Variants in ZNF536 observed in about 807,000 individuals in gnomAD.
ZNF536 encodes the protein zinc finger protein 536.
A neutral mutation model predicts 84.5 loss-of-function variants in ZNF536; 13 were observed. The observed-to-expected ratio is 0.15, with a 90% CI of 0.10 to 0.24. The LOEUF is 0.24. Ranked by LOEUF, ZNF536 falls within the 10% of genes least tolerant of loss-of-function variation. The probability of loss-of-function intolerance (pLI) is 1.00; values close to 1 mark genes in which losing one functional copy is unlikely to be tolerated. For synonymous variants in ZNF536, 811 were observed against 742.5 expected (o/e 1.09, Z -1.50); for missense variants, 1,536 against 1,747.5 (o/e 0.88, Z 2.16).
upstream of ZNF536, among the ~76,000 whole-genome samples, chr19:30,227,217 G>T (rs2144567169): frequency 6.6e-6 from 1 of 152,242 alleles, no homozygotes; most frequent in East Asian, 1.9e-4. Context: ...TTCACTCTGC[G>T]GAGTGAACTC....
intron 2 of ZNF536, among the ~76,000 whole-genome samples, chr19:30,461,747 C>T (rs1427153006): frequency 6.6e-6 from 1 of 152,220 alleles, no homozygotes; most frequent in Non-Finnish European, 1.5e-5. Flanking sequence ...TCCCCAGTCC[C>T]TTCTGACACT....
intron 1 of ZNF536, among the ~76,000 whole-genome samples, chr19:30,588,461 G>C (rs1261303109): frequency 1.3e-5 from 2 of 152,180 alleles, no homozygotes; most frequent in Non-Finnish European, 2.9e-5. Flanking sequence ...AGAAGCAAGA[G>C]GATGGGAGGT....
intron 1 of ZNF536, among the ~76,000 whole-genome samples, chr19:30,648,306 C>T (rs1263325004): frequency 6.6e-6 from 1 of 152,172 alleles, no homozygotes; most frequent in Non-Finnish European, 1.5e-5. Flanking sequence ...CTCAGCTTGA[C>T]CTCATTTCCT....
At chr19:30,329,276 G>A (rs11880486) in intron 2 of ZNF536, among the ~76,000 whole-genome samples, 8,625 of 152,232 alleles carry the variant, frequency 0.057, 615 homozygotes, top group East Asian at 0.33. Flanking sequence ...TTTTTGCTTC[G>A]TAGGAATGCG....
At chr19:30,415,229 C>G (rs1600639586) in intron 1 of ZNF536, among the ~76,000 whole-genome samples, 1 of 81,490 alleles carries the variant, frequency 1.2e-5, no homozygotes, top group African/African-American at 4.9e-5. Context: ...CTCCTCTTCT[C>G]CCTCCCCCTC....
At chr19:30,617,729 G>C (rs775918233) in intron 1 of ZNF536, among the ~76,000 whole-genome samples, 1 of 151,956 alleles carries the variant, frequency 6.6e-6, no homozygotes, top group Non-Finnish European at 1.5e-5. Flanking sequence ...TTTTTAACCA[G>C]AGATTCTGCA....
In ZNF536 at chr19:30,500,068, AT is replaced by A. The variant is rs1231011848; in HGVS notation, c.2171-34773del. Among the ~76,000 whole-genome samples the A allele has an allele frequency of 7.9e-5, 12 of 152,296 alleles. No homozygotes were observed. In the East Asian group the frequency reaches 9.6e-4, roughly 12 times the overall value. ...CCAGCTCTTTTTACCAAAGAGGGTA[AT>A]TTTTTCTAAATAATTTCTTAGATTA... On this transcript the variant is annotated intron_variant, in intron 2 of 4. Coordinates refer to ENST00000355537, the MANE Select transcript of ZNF536 (RefSeq NM_014717.3).
intron 1 of ZNF536, among the ~76,000 whole-genome samples, chr19:30,418,103 A>ATT (rs769463321): frequency 2.1e-5 from 3 of 145,412 alleles, no homozygotes; most frequent in Admixed American, 6.9e-5. Flanking sequence ...ATTGCCAAGC[A>ATT]TTTTTTTTTT....
intron 2 of ZNF536, among the ~76,000 whole-genome samples, chr19:30,322,641 TC>T (rs1461743003): frequency 1.3e-5 from 2 of 152,176 alleles, no homozygotes; most frequent in Non-Finnish European, 2.9e-5. Flanking sequence ...CTATTCCATC[TC>T]ATCAATGCTT....
chr19:30,560,314 C>A (rs886433572), downstream of ZNF536, among the ~76,000 whole-genome samples: 2 of 151,718 alleles, frequency 1.3e-5, no homozygotes, highest in African/African-American at 4.8e-5. Flanking sequence ...GGGAATATAA[C>A]AAGCCCACCT....
chr19:30,556,544 C>T lies in ZNF536; in HGVS notation c.3896-613C>T, dbSNP rs117180087. The T allele has an allele frequency of 7.5e-3, 1,150 of 152,352 alleles. 21 individuals carry two copies. Among genetic ancestry groups the T allele is most frequent in the Middle Eastern group, 0.048 (14 of 294 alleles). The allele number at this position is 152,352 out of a possible 1,614,324, so 9.4% of individuals were successfully genotyped here. A position where few individuals can be genotyped will look rare whatever the true frequency, so the allele number is the denominator to read the frequency against. ...TTAAATTAAATGGGAATGCCACTGA[C>T]GTGATGTCGTTTGCACTGCAGGATG... On this transcript the variant is annotated intron_variant, in intron 4 of 4. Coordinates refer to ENST00000355537, the MANE Select transcript of ZNF536 (RefSeq NM_014717.3).
At chr19:30,278,832 C>G (rs961775836) in intron 1 of ZNF536, among the ~76,000 whole-genome samples, 6 of 152,202 alleles carry the variant, frequency 3.9e-5, no homozygotes, top group African/African-American at 1.4e-4. Context: ...TCCTCTCTGA[C>G]CCCCTCTTGT....
At chr19:30,501,064 C>T (rs779401956) in intron 2 of ZNF536, among the ~76,000 whole-genome samples, 1 of 152,154 alleles carries the variant, frequency 6.6e-6, no homozygotes, top group Non-Finnish European at 1.5e-5. Flanking sequence ...GAGTCTCAAA[C>T]CTACAAAGTG....
intron 2 of ZNF536, among the ~76,000 whole-genome samples, chr19:30,320,723 C>G (rs886874181): frequency 5.9e-5 from 9 of 152,142 alleles, no homozygotes; most frequent in Non-Finnish European, 8.8e-5. Context: ...CCCTCCCCGA[C>G]CTGGATTATC....
chr19:30,469,507 T>C (rs995513710), intron 2 of ZNF536, among the ~76,000 whole-genome samples: 9 of 152,108 alleles, frequency 5.9e-5, no homozygotes, highest in Admixed American at 2.0e-4. Flanking sequence ...AGGAAAAATC[T>C]TCCTCCTCAA....
In ZNF536 at chr19:30,445,513, C is replaced by G. The variant is rs955698744; in HGVS notation, c.1951C>G (p.Arg651Gly). 1 of 1,613,990 alleles carries G rather than the reference C, an allele frequency of 6.2e-7. No individual in the cohort carries two copies. Among genetic ancestry groups the G allele is most frequent in the Non-Finnish European group, 8.5e-7 (1 of 1,180,000 alleles). ...RTYHQVVVHS[R>G]VHKRDRKGEE... Reference sequence around the variant, plus strand: ...TTACCACCAGGTGGTCGTGCACTCCCGTGTCCACAAGCGGGACCGCAAGGG... The same window carrying G: ...TTACCACCAGGTGGTCGTGCACTCCGGTGTCCACAAGCGGGACCGCAAGGG... The change falls in exon 2 of 5, where the codon CGT (arginine) becomes GGT (glycine). Residue 651 changes from arginine to glycine, a missense_variant. Arg to Gly is a moderately radical substitution (Grantham distance 125, BLOSUM62 -2). Around this residue, in one of 8 missense-constraint regions of ZNF536, gnomAD observed 366 missense variants for 364.4 expected, o/e 1.00. Coordinates refer to ENST00000355537, the MANE Select transcript of ZNF536 (RefSeq NM_014717.3). The surrounding 1 kb of genome is among the most constrained non-coding windows in gnomAD (Gnocchi z 4.5).
intron 1 of ZNF536, among the ~76,000 whole-genome samples, chr19:30,273,035 C>G (rs1397749272): frequency 6.6e-6 from 1 of 152,144 alleles, no homozygotes; most frequent in African/African-American, 2.4e-5. Flanking sequence ...GCCTCAGCAT[C>G]TTGACTGCAG....
At chr19:30,629,865 TCA>T (rs1257842669) in intron 1 of ZNF536, among the ~76,000 whole-genome samples, 4 of 152,194 alleles carry the variant, frequency 2.6e-5, no homozygotes, top group African/African-American at 9.7e-5. Context: ...GCACAGCAGC[TCA>T]CAGTGACACA....
intron 1 of ZNF536, among the ~76,000 whole-genome samples, chr19:30,664,204 T>TCTC (rs1568650184): frequency 2.2e-5 from 2 of 90,714 alleles, no homozygotes; most frequent in African/African-American, 5.4e-5. Context: ...TTGCTGAGTT[T>TCTC]TCTCTCTCTC....
Sources: allele counts gnomAD v4.1 joint callset (sites outside exome capture counted in the v4.1 genomes callset), GRCh38; gene constraint gnomAD v4.1.1; regional missense constraint gnomAD v4.1.1; non-coding constraint Gnocchi (gnomAD v3.1); transcripts MANE v1.5; gene names NCBI Gene and HGNC (gene_info 2026-07-23, HGNC 2026-07-21).